Variants in WWOX observed in about 807,000 individuals in gnomAD.
The protein encoded by WWOX is WW domain-containing oxidoreductase.
Under a neutral mutation model 46.2 loss-of-function variants are expected in WWOX, and 69 were observed. That is an observed-to-expected ratio of 1.49 (90% CI 1.23 to 1.82). The LOEUF is 1.82. Ranked by LOEUF, WWOX falls within the 40% of genes most tolerant of loss-of-function variation. The pLI, the probability that WWOX is intolerant of heterozygous loss-of-function variation, is 0.00. For synonymous variants in WWOX, 359 were observed against 202.6 expected (o/e 1.77, Z -6.56); for missense variants, 919 against 542.6 (o/e 1.69, Z -6.89).
intron 8 of WWOX, among the ~76,000 whole-genome samples, chr16:78,542,712 G>C (rs2043928033): frequency 6.6e-6 from 1 of 152,210 alleles, no homozygotes; most frequent in Non-Finnish European, 1.5e-5. Context: ...TCTTCTATCA[G>C]CCCTCTAAAC....
chr16:78,947,416 G>T (rs1450510569), intron 8 of WWOX, among the ~76,000 whole-genome samples: 1 of 152,298 alleles, frequency 6.6e-6, no homozygotes, highest in South Asian at 2.1e-4. Context: ...CAGCGCAGGT[G>T]CATCTTGCTT....
chr16:78,205,810 C>T (rs1426421158), intron 5 of WWOX, among the ~76,000 whole-genome samples: 1 of 152,002 alleles, frequency 6.6e-6, no homozygotes. Flanking sequence ...CATCCTTCTA[C>T]CCACACCTTC....
intron 8 of WWOX, among the ~76,000 whole-genome samples, chr16:78,698,443 C>A (rs970216853): frequency 2.0e-5 from 3 of 152,184 alleles, no homozygotes; most frequent in African/African-American, 7.2e-5. Context: ...AATCCTAGCT[C>A]CTTTTTAAGC....
chr16:78,615,275 C>G (rs985653465), intron 8 of WWOX, among the ~76,000 whole-genome samples: 1 of 152,172 alleles, frequency 6.6e-6, no homozygotes, highest in Admixed American at 6.5e-5. Flanking sequence ...GGCTCTGCTA[C>G]AGACGTCAGG....
At chr16:78,955,540 C>G (rs1236189400) in intron 8 of WWOX, among the ~76,000 whole-genome samples, 2 of 152,174 alleles carry the variant, frequency 1.3e-5, no homozygotes, top group African/African-American at 4.8e-5. Flanking sequence ...GGGATAATAA[C>G]TGCACTTTTT....
chr16:78,396,524 C>T (rs1209306842), intron 6 of WWOX, among the ~76,000 whole-genome samples: 4 of 152,150 alleles, frequency 2.6e-5, no homozygotes, highest in Admixed American at 6.6e-5. Flanking sequence ...GTAAAAACCA[C>T]GCTTTGGAGG....
At position 78,883,591 on chromosome 16, in the gene WWOX, G is replaced by C. The variant is rs145633994; in HGVS notation, c.1057-328017G>C. The stretch of plus-strand genomic sequence containing the variant: ...ATACAAAAATTACCTGAGTGTGGTG[G>C]TGCCCACCTGTAATCCCAGCTACTC... On this transcript the variant is annotated intron_variant, in intron 8 of 8. Transcript: ENST00000566780. Among the ~76,000 whole-genome samples the C allele has an allele frequency of 9.0e-3, 1,376 of 152,120 alleles. 7 individuals carry two copies. The highest frequency in any genetic ancestry group is 0.013 in the Admixed American group (206 of 15,288).
chr16:78,390,230 T>C (rs1368560401), intron 6 of WWOX, among the ~76,000 whole-genome samples: 4 of 152,256 alleles, frequency 2.6e-5, no homozygotes, highest in African/African-American at 9.6e-5. Flanking sequence ...TCTGTCAGAA[T>C]GTGTTGGAAG....
At chr16:79,162,780 G>T (rs547338818) in intron 8 of WWOX, among the ~76,000 whole-genome samples, 53 of 152,278 alleles carry the variant, frequency 3.5e-4, no homozygotes, top group African/African-American at 1.3e-3. Flanking sequence ...AAGCTGTGCT[G>T]GGGGAGCCAG....
intron 8 of WWOX, among the ~76,000 whole-genome samples, chr16:79,032,815 A>T (rs1291888555): frequency 6.6e-6 from 1 of 151,500 alleles, no homozygotes; most frequent in African/African-American, 2.4e-5. Flanking sequence ...GGTTTGTTAT[A>T]TAGGTAAACT....
chr16:78,878,757 T>A (rs1205187403), intron 8 of WWOX, among the ~76,000 whole-genome samples: 1 of 151,996 alleles, frequency 6.6e-6, no homozygotes, highest in East Asian at 1.9e-4. Context: ...TGAAGTTGCT[T>A]GCTTGAAATT....
intron 8 of WWOX, among the ~76,000 whole-genome samples, chr16:79,157,339 C>T (rs981672840): frequency 6.6e-6 from 1 of 151,770 alleles, no homozygotes; most frequent in Non-Finnish European, 1.5e-5. Context: ...CTGGGCTTCA[C>T]TCTTAGCTCT....
Position 78,479,889 on chromosome 16 carries a change from A to G in WWOX, c.1056+47137A>G, listed in dbSNP as rs375434631. ...TTGACCCAGCGGGGCTGCATTGTTC[A>G]CTGCCCCCTCCTGGGAAGGAGGAAC... On this transcript the variant is annotated intron_variant, in intron 8 of 8. Transcript: ENST00000566780. 5.9e-5 allele frequency among the ~76,000 whole-genome samples: 9 copies of G among 152,080 alleles called. No individual in the cohort carries two copies. In the East Asian group the frequency reaches 1.5e-3, roughly 26 times the overall value.
At chr16:79,017,140 C>A (rs978436755) in intron 8 of WWOX, 1 of 152,088 alleles carries the variant, frequency 6.6e-6, no homozygotes, top group Non-Finnish European at 1.5e-5. Flanking sequence ...ACAGAAGTTA[C>A]AGGTAGGCTG....
intron 5 of WWOX, among the ~76,000 whole-genome samples, chr16:78,378,710 G>C (rs1474538924): frequency 1.3e-5 from 2 of 152,168 alleles, no homozygotes; most frequent in Non-Finnish European, 2.9e-5. Flanking sequence ...GGAAGGGTGA[G>C]AGACATCAGC....
intron 8 of WWOX, among the ~76,000 whole-genome samples, chr16:78,644,941 C>G (rs778002976): frequency 4.6e-5 from 7 of 152,114 alleles, no homozygotes; most frequent in Admixed American, 6.6e-5. Flanking sequence ...TTGTGGAATT[C>G]TTTGAACTCG....
intron 8 of WWOX, among the ~76,000 whole-genome samples, chr16:78,578,463 G>A (rs1216746391): frequency 6.6e-6 from 1 of 150,464 alleles, no homozygotes; most frequent in East Asian, 2.0e-4. Flanking sequence ...CTAATTTTAT[G>A]TATTTTTAAT....
intron 8 of WWOX, among the ~76,000 whole-genome samples, chr16:78,601,227 T>A (rs1327814749): frequency 6.6e-6 from 1 of 152,214 alleles, no homozygotes; most frequent in Non-Finnish European, 1.5e-5. Flanking sequence ...GCCACCTGCC[T>A]TATTTTACTC....
At chr16:78,937,903 C>T (rs767097005) in intron 8 of WWOX, among the ~76,000 whole-genome samples, 1 of 152,158 alleles carries the variant, frequency 6.6e-6, no homozygotes, top group African/African-American at 2.4e-5. Context: ...GTTGGGATTA[C>T]AGGTGTGTGC....
Sources: gnomAD v4.1 joint callset for allele counts (sites outside exome capture counted in the v4.1 genomes callset) on GRCh38, gnomAD v4.1.1 for gene constraint, MANE v1.5 for transcripts, NCBI Gene and HGNC (gene_info 2026-07-23, HGNC 2026-07-21) for gene names.